Variants in TACC2 observed in about 807,000 individuals in gnomAD.
TACC2 encodes the protein transforming acidic coiled-coil-containing protein 2.
A neutral mutation model predicts 227.3 loss-of-function variants in TACC2; 137 were observed. That is an observed-to-expected ratio of 0.60 (90% CI 0.52 to 0.69). TACC2 has a LOEUF of 0.69. Ranked by LOEUF, TACC2 falls within the 30% of genes least tolerant of loss-of-function variation. The pLI is 0.00. For missense variants in TACC2, 3,470 were observed against 3,694.4 expected, an observed-to-expected ratio of 0.94 and a Z score of 1.57; for synonymous variants, 1,523 against 1,487.5, an observed-to-expected ratio of 1.02 and a Z score of -0.55.
chr10:122,008,264 A>ATTTTTT (rs71022877), intron 1 of TACC2, among the ~76,000 whole-genome samples: 14 of 134,656 alleles, frequency 1.0e-4, no homozygotes, highest in African/African-American at 3.4e-4. Context: ...TATTATTATT[A>ATTTTTT]TTTTTTTTTT....
At chr10:122,107,898 C>CTTTTTTTT (rs143830637) in intron 5 of TACC2, among the ~76,000 whole-genome samples, 13 of 108,430 alleles carry the variant, frequency 1.2e-4, no homozygotes, top group Admixed American at 2.4e-4. Flanking sequence ...TTTCTTTTTT[C>CTTTTTTTT]TTTTTTTTTT....
intron 10 of TACC2, 86 bp downstream of exon 10, chr10:122,215,537 C>A: frequency 1.8e-6 from 2 of 1,131,196 alleles, no homozygotes; most frequent in South Asian, 1.2e-5. Flanking sequence ...GCTTTCTGCT[C>A]ATCCCGGGCC....
At chr10:122,068,050 C>T (rs2077578294) in intron 3 of TACC2, among the ~76,000 whole-genome samples, 2 of 152,124 alleles carry the variant, frequency 1.3e-5, no homozygotes, top group African/African-American at 2.4e-5. Context: ...CATTTTAGAA[C>T]ATTTTTATCG....
chr10:122,066,374 T>C (rs919857856), intron 3 of TACC2, among the ~76,000 whole-genome samples: 1 of 151,938 alleles, frequency 6.6e-6, no homozygotes, highest in African/African-American at 2.4e-5. Flanking sequence ...GTGCAAGTGA[T>C]TCTCCTGCCT....
At chr10:121,997,278 ACTGGCTTCATT>A (rs1047978412) in intron 1 of TACC2, among the ~76,000 whole-genome samples, 4 of 152,124 alleles carry the variant, frequency 2.6e-5, no homozygotes, top group African/African-American at 9.7e-5. Context: ...CTCAGCAACC[ACTGGCTTCATT>A]CTGGTCTGAG....
chr10:121,997,771 TA>T (rs1252481205), intron 1 of TACC2, among the ~76,000 whole-genome samples: 1 of 152,132 alleles, frequency 6.6e-6, no homozygotes, highest in Non-Finnish European at 1.5e-5. Flanking sequence ...TGCTGGCTAA[TA>T]GGGGAGAGGG....
At chr10:122,049,194 G>T (rs935432210) in intron 2 of TACC2, among the ~76,000 whole-genome samples, 4 of 152,218 alleles carry the variant, frequency 2.6e-5, no homozygotes, top group Non-Finnish European at 4.4e-5. Context: ...AATGCATGCG[G>T]CCTCATCATA....
chr10:122,044,682 A>ATT (rs35408701), intron 2 of TACC2, among the ~76,000 whole-genome samples: 4,137 of 146,230 alleles, frequency 0.028, 146 homozygotes, highest in African/African-American at 0.088. Context: ...GGTAAGTGGA[A>ATT]TTTTTTTTTT....
At chr10:122,029,746 C>A (rs1958695036) in intron 2 of TACC2, among the ~76,000 whole-genome samples, 1 of 152,100 alleles carries the variant, frequency 6.6e-6, no homozygotes, top group Non-Finnish European at 1.5e-5. Flanking sequence ...TGAGCGCCCT[C>A]AATGTGCACA....
At chr10:122,232,915 C>T (rs916713596) in intron 16 of TACC2, among the ~76,000 whole-genome samples, 5 of 152,154 alleles carry the variant, frequency 3.3e-5, no homozygotes, top group African/African-American at 1.2e-4. Context: ...TGGTCTTAAG[C>T]TGTTGCTAGC....
rs1427237934 is a variant in TACC2, at chr10:122,200,970, T to G, written c.5971+5794T>G. ...CTCACCCGCCCACAGTGGCCACATC[T>G]ACAGTGAGAGGACGGCCACCTCACC... On this transcript the variant is annotated intron_variant, in intron 8 of 22. Coordinates refer to ENST00000369005, the MANE Select transcript of TACC2 (RefSeq NM_206862.4). Among the ~76,000 whole-genome samples the G allele has an allele frequency of 1.6e-5, 2 of 122,764 alleles. 1 individual carries two copies. Among genetic ancestry groups the G allele is most frequent in the African/African-American group, 6.1e-5 (2 of 33,018 alleles). 80.5% of individuals were successfully genotyped at this position (122,764 alleles called of 152,430 possible). A position where few individuals can be genotyped will look rare whatever the true frequency, so the allele number is the denominator to read the frequency against.
intron 1 of TACC2, among the ~76,000 whole-genome samples, chr10:122,013,119 T>A (rs1468494564): frequency 2.6e-5 from 4 of 152,164 alleles, no homozygotes; most frequent in Non-Finnish European, 5.9e-5. Flanking sequence ...GATATGTCAG[T>A]CCTGTGTCTG....
At chr10:122,220,173 CAG>C (rs2095496471) in intron 11 of TACC2, among the ~76,000 whole-genome samples, 1 of 151,590 alleles carries the variant, frequency 6.6e-6, no homozygotes, top group Non-Finnish European at 1.5e-5. Flanking sequence ...AAAATACTAA[CAG>C]TACTTTTAGG....
At chr10:122,157,783 G>A (rs1002786183) in intron 7 of TACC2, among the ~76,000 whole-genome samples, 4 of 151,620 alleles carry the variant, frequency 2.6e-5, no homozygotes, top group South Asian at 2.1e-4. Context: ...CCTCATGAGC[G>A]TCTCCTACCA....
chr10:122,195,282 G>A (rs2094529326), intron 8 of TACC2, 106 bp downstream of exon 8: 4 of 1,004,710 alleles, frequency 4.0e-6, no homozygotes, highest in East Asian at 5.1e-5. Flanking sequence ...GCACTGACTC[G>A]ACCTCTTGGC....
intron 7 of TACC2, among the ~76,000 whole-genome samples, chr10:122,186,733 G>A (rs953528193): frequency 2.6e-5 from 4 of 152,008 alleles, no homozygotes; most frequent in Non-Finnish European, 2.9e-5. Flanking sequence ...GGCTGGCCTC[G>A]AACTCCTGGC....
At chr10:122,159,606 A>T (rs2139741326) in intron 7 of TACC2, among the ~76,000 whole-genome samples, 1 of 152,290 alleles carries the variant, frequency 6.6e-6, no homozygotes, top group Admixed American at 6.5e-5. Context: ...TAACACTCTC[A>T]GAGACAGCCC....
At chr10:121,992,953 T>TA (rs879342913) in intron 1 of TACC2, among the ~76,000 whole-genome samples, 274 of 130,188 alleles carry the variant, frequency 2.1e-3, no homozygotes, top group African/African-American at 2.7e-3. Flanking sequence ...AGACTGTCTC[T>TA]AAAAAAAAAA....
intron 7 of TACC2, among the ~76,000 whole-genome samples, chr10:122,187,637 C>G (rs1010735666): frequency 6.6e-6 from 1 of 152,002 alleles, no homozygotes; most frequent in Non-Finnish European, 1.5e-5. Context: ...ATTACAGGCG[C>G]CTGCCACCAC....
Sources: allele counts gnomAD v4.1 joint callset (sites outside exome capture counted in the v4.1 genomes callset), GRCh38; gene constraint gnomAD v4.1.1; transcripts MANE v1.5; gene names NCBI Gene and HGNC (gene_info 2026-07-23, HGNC 2026-07-21).